Variants in TUBAL3 observed in about 807,000 individuals in gnomAD.
The protein encoded by TUBAL3 is tubulin alpha like 3.
TUBAL3 carries 16 observed loss-of-function variants against 15.5 expected under a neutral mutation model. The observed-to-expected ratio is 1.04, with a 90% CI of 0.70 to 1.57. The LOEUF (loss-of-function observed/expected upper bound fraction) is 1.57. Ranked by LOEUF, TUBAL3 falls within the 40% of genes most tolerant of loss-of-function variation. The pLI is 0.00. For missense variants in TUBAL3, 609 were observed against 576.2 expected, an observed-to-expected ratio of 1.06 and a Z score of -0.58; for synonymous variants, 238 against 224.3, an observed-to-expected ratio of 1.06 and a Z score of -0.55.
In TUBAL3 at chr10:5,394,249, C is replaced by A. The variant is rs2119138597; in HGVS notation, c.609G>T (p.Glu203Asp). The change falls in exon 4 of 4, where the codon GAG (glutamate) becomes GAT (aspartate). Residue 203 changes from glutamate (E) to aspartate (D), a missense_variant. Coordinates refer to ENST00000380419, the MANE Select transcript of TUBAL3 (RefSeq NM_024803.3). This position sits in a 1 kb window ranked among gnomAD's most constrained non-coding sequence, Gnocchi z 4.3. ...NSVLTTHSTT[E>D]HTDCTFMVDN... The stretch of plus-strand genomic sequence containing the variant: ...CCACCATGAAGGTACAGTCCGTGTG[C>A]TCTGTGGTGGAGTGGGTGGTGAGGA... The A allele has an allele frequency of 3.1e-6, 5 of 1,614,188 alleles. No homozygotes were observed. In the East Asian group the frequency reaches 8.9e-5, roughly 29 times the overall value.
At chr10:5,398,358 T>G (rs1831796456) in intron 2 of TUBAL3, among the ~76,000 whole-genome samples, 1 of 146,252 alleles carries the variant, frequency 6.8e-6, no homozygotes, top group African/African-American at 2.6e-5. Flanking sequence ...AGGCACAGGT[T>G]GCAGTGAGCA....
At position 5,393,344 on chromosome 10, in the gene TUBAL3, T is replaced by C. The variant is rs1554813663; in HGVS notation, c.*173A>G. 2 of 586,534 alleles carry C rather than the reference T, an allele frequency of 3.4e-6. No individual in the cohort carries two copies. The highest frequency in any genetic ancestry group is 3.7e-5 in the African/African-American group (2 of 53,900). 36.3% of individuals were successfully genotyped at this position (586,534 alleles called of 1,614,324 possible). On this transcript the variant is annotated 3_prime_UTR_variant, in exon 4 of 4. Transcript: ENST00000380419. ...TGACTTGTACCAGTAGACCAGGAAATAATGTGTTCATTGTTGGTACTGACC... is the reference window on the plus strand; with the variant it reads ...TGACTTGTACCAGTAGACCAGGAAACAATGTGTTCATTGTTGGTACTGACC...
At position 5,394,207 on chromosome 10, in the gene TUBAL3, A is replaced by G. The variant is rs782308313; in HGVS notation, c.651T>C (p.Tyr217=). The G allele has an allele frequency of 1.9e-6, 3 of 1,614,068 alleles. No individual in the cohort carries two copies. The African/African-American group carries it at 4.0e-5, about 22-fold the overall frequency. Residue 217 remains tyrosine (Y), a synonymous_variant, in exon 4 of 4, where the codon TAT becomes TAC. Transcript: ENST00000380419. The surrounding 1 kb of genome is among the most constrained non-coding windows in gnomAD (Gnocchi z 4.3). ...CTFMVDNEAV[Y]DICHRKLGVE... ...CACCGAGTTTACGATGGCATATATCATAGACGGCCTCGTTGTCCACCATGA... is the reference window on the plus strand; with the variant it reads ...CACCGAGTTTACGATGGCATATATCGTAGACGGCCTCGTTGTCCACCATGA...
In TUBAL3 at chr10:5,396,320, C is replaced by T. The variant is rs1361659062; in HGVS notation, c.248-845G>A. ...GTCAGGAGCTTGAGACCAGCCTGGCCAACATGGTGAAACCCTGTCTCTACT... is the reference window on the plus strand; with the variant it reads ...GTCAGGAGCTTGAGACCAGCCTGGCTAACATGGTGAAACCCTGTCTCTACT... On this transcript the variant is annotated intron_variant, in intron 2 of 3. Transcript: ENST00000380419. The surrounding 1 kb of genome is among the most constrained non-coding windows in gnomAD (Gnocchi z 5.1). Among the ~76,000 whole-genome samples, 1 of 151,952 alleles carries T rather than the reference C, an allele frequency of 6.6e-6. No homozygotes were observed. Among genetic ancestry groups the T allele is most frequent in the African/African-American group, 2.4e-5 (1 of 41,364 alleles).
At position 5,401,097 on chromosome 10, in the gene TUBAL3, G is replaced by C; in HGVS notation, c.4-10C>G. ...TGGAAAGGCACTCCCTCTAAAATAA[G>C]TCATGGTGAGTTGGAACTGAGCAGG... On this transcript the variant is annotated splice_polypyrimidine_tract_variant and intron_variant, in intron 1 of 3. Transcript: ENST00000380419. The C allele has an allele frequency of 6.2e-7, 1 of 1,613,670 alleles. No individual in the cohort carries two copies. The highest frequency in any genetic ancestry group is 8.5e-7 in the Non-Finnish European group (1 of 1,179,892).
At chr10:5,403,408 T>C (rs1399815267) in intron 1 of TUBAL3, among the ~76,000 whole-genome samples, 2 of 152,194 alleles carry the variant, frequency 1.3e-5, no homozygotes, top group African/African-American at 4.8e-5. Context: ...ACCTCTTACT[T>C]TGTAAAGTTT....
Position 5,393,872 on chromosome 10 carries a change from T to A in TUBAL3, c.986A>T (p.Asp329Val), listed in dbSNP as rs1831717232. The A allele has an allele frequency of 6.2e-7, 1 of 1,614,018 alleles. No homozygotes were observed. Among genetic ancestry groups the A allele is most frequent in the Non-Finnish European group, 8.5e-7 (1 of 1,180,042 alleles). The change falls in exon 4 of 4, where the codon GAT (aspartate) becomes GTT (valine). Residue 329 changes from aspartate to valine, a missense_variant. Physicochemically the swap from Asp to Val is radical, Grantham distance 152 (BLOSUM62 -3). Transcript: ENST00000380419. ...TGCATTCACTTCCTTGGGGACCACATCCCCTCTATAGAGTAGGCAGCAGGC... is the reference window on the plus strand; with the variant it reads ...TGCATTCACTTCCTTGGGGACCACAACCCCTCTATAGAGTAGGCAGCAGGC... Reference protein sequence around the residue: ...YMACCLLYRGDVVPKEVNAAI... With the variant: ...YMACCLLYRGVVVPKEVNAAI...
intron 2 of TUBAL3, 122 bp downstream of exon 2, chr10:5,400,722 A>G (rs1831836983): frequency 1.5e-5 from 19 of 1,240,140 alleles, no homozygotes; most frequent in Non-Finnish European, 2.1e-5. Context: ...GTAAGCCTCT[A>G]CATTTGGGAA....
At chr10:5,400,791 T>A (rs1301314483) in intron 2 of TUBAL3, 53 bp downstream of exon 2, 1 of 1,607,902 alleles carries the variant, frequency 6.2e-7, no homozygotes, top group East Asian at 2.2e-5. Context: ...ATCCACTTGA[T>A]TTGTTTGAGT....
Position 5,393,746 on chromosome 10 carries a change from G to C in TUBAL3, c.1112C>G (p.Pro371Arg). ...GINNRPPTVMPGGDLAKVHRS... is the reference protein window; with the variant it reads ...GINNRPPTVMRGGDLAKVHRS... ...GTGGACTTTGGCCAGGTCCCCACCC[G>C]GCATCACCGTGGGCGGCCGATTGTT... Residue 371 changes from proline (P) to arginine (R), a missense_variant, in exon 4 of 4, where the codon CCG (proline) becomes CGG (arginine). Pro to Arg is a moderately radical substitution (Grantham distance 103, BLOSUM62 -2). Transcript: ENST00000380419. 1 of 1,614,184 alleles carries C rather than the reference G, an allele frequency of 6.2e-7. No individual in the cohort carries two copies. The highest frequency in any genetic ancestry group is 1.1e-5 in the South Asian group (1 of 91,076).
At chr10:5,402,303 A>T (rs1554814708) in intron 1 of TUBAL3, among the ~76,000 whole-genome samples, 2 of 152,240 alleles carry the variant, frequency 1.3e-5, no homozygotes, top group African/African-American at 4.8e-5. Context: ...AAAAATGAGA[A>T]GGAAAGTAAA....
rs1554814284 is a variant in TUBAL3 at position 5,397,691 on chromosome 10, C to T, written c.248-2216G>A. Among the ~76,000 whole-genome samples, 1 of 152,178 alleles carries T rather than the reference C, an allele frequency of 6.6e-6. No individual in the cohort carries two copies. On this transcript the variant is annotated intron_variant, in intron 2 of 3. Transcript: ENST00000380419. This position sits in a 1 kb window ranked among gnomAD's most constrained non-coding sequence, Gnocchi z 4.9. ...CTCAGAGACATCAATGGCTTTTGAA[C>T]AATTACATGATGGCTCCTTAGCTTC...
intron 1 of TUBAL3, 152 bp downstream of exon 1, chr10:5,404,638 C>T (rs1326913798): frequency 1.2e-5 from 9 of 760,378 alleles, no homozygotes; most frequent in Non-Finnish European, 1.7e-5. Flanking sequence ...CTGCTCCCAA[C>T]TCATCTACTT....
At chr10:5,403,333 T>C (rs1831883776) in intron 1 of TUBAL3, among the ~76,000 whole-genome samples, 1 of 152,194 alleles carries the variant, frequency 6.6e-6, no homozygotes, top group African/African-American at 2.4e-5. Flanking sequence ...AAAACTTGGC[T>C]CCTTAAATTT....
rs541805239 is a variant in TUBAL3, at chr10:5,395,406, G to C, written c.317C>G (p.Ala106Gly). 9 of 1,606,314 alleles carry C rather than the reference G, an allele frequency of 5.6e-6. No individual in the cohort carries two copies. In the South Asian group the frequency reaches 1.0e-4, roughly 18 times the overall value. Reference protein sequence around the residue: ...PEQLLSGKEDAANNYARGRYS... With the variant: ...PEQLLSGKEDGANNYARGRYS... ...ACGGCCTCGCGCGTAATTGTTAGCAGCATCCTCCTTTCCGCTAAGGAGCTG... is the reference window on the plus strand; with the variant it reads ...ACGGCCTCGCGCGTAATTGTTAGCACCATCCTCCTTTCCGCTAAGGAGCTG... The change falls in exon 3 of 4, where the codon GCT becomes GGT. Residue 106 changes from alanine to glycine, a missense_variant. Transcript: ENST00000380419. The surrounding 1 kb of genome is among the most constrained non-coding windows in gnomAD (Gnocchi z 4.6).
In TUBAL3 at chr10:5,396,424, A is replaced by G. The variant is rs1041465705; in HGVS notation, c.248-949T>C. ...CTCGGGAGACTGAGGCAGGAGAATC[A>G]CTTCAACCCAGGAGGTTGCAGTGAG... is the stretch of plus-strand genomic sequence containing the variant. On this transcript the variant is annotated intron_variant, in intron 2 of 3. Transcript: ENST00000380419. This position sits in a 1 kb window ranked among gnomAD's most constrained non-coding sequence, Gnocchi z 5.1. Among the ~76,000 whole-genome samples, 7 of 152,086 alleles carry G rather than the reference A, an allele frequency of 4.6e-5. No homozygotes were observed. The highest frequency in any genetic ancestry group is 7.4e-5 in the Non-Finnish European group (5 of 68,002).
intron 2 of TUBAL3, among the ~76,000 whole-genome samples, chr10:5,400,010 C>T (rs10795273): frequency 0.67 from 101,287 of 152,138 alleles, 33,925 homozygotes; most frequent in East Asian, 0.74. Context: ...TCTAGCTTTT[C>T]TCTTAAGTCA....
rs150997870 is a variant in TUBAL3, at chr10:5,395,392, C to T, written c.331G>A (p.Ala111Thr). The change falls in exon 3 of 4, where the codon GCG (alanine) becomes ACG (threonine). Residue 111 changes from alanine to threonine, a missense_variant. Ala to Thr is a moderately conservative substitution (Grantham distance 58). Coordinates refer to ENST00000380419, the MANE Select transcript of TUBAL3 (RefSeq NM_024803.3). This position sits in a 1 kb window ranked among gnomAD's most constrained non-coding sequence, Gnocchi z 4.6. ...SGKEDAANNY[A>T]RGRYSVGSEV... The stretch of plus-strand genomic sequence containing the variant: ...GACCCCACAGAGTAACGGCCTCGCG[C>T]GTAATTGTTAGCAGCATCCTCCTTT... 1.2e-4 allele frequency: 185 copies of T among 1,606,744 alleles called. No homozygotes were observed. The highest frequency in any genetic ancestry group is 5.0e-4 in the Middle Eastern group (3 of 6,050).
rs1343585480 is a variant in TUBAL3 at position 5,393,172 on chromosome 10, T to C, written c.*345A>G. On this transcript the variant is annotated 3_prime_UTR_variant, in exon 4 of 4. Transcript: ENST00000380419. ...GGGGAAAAAACATTCGTAATCAACA[T>C]GTGCTGTTTTCTACTTCCGGTACCA... 9.4e-6 allele frequency: 2 copies of C among 211,744 alleles called. No homozygotes were observed. The highest frequency in any genetic ancestry group is 4.6e-5 in the African/African-American group (2 of 43,746). 13.1% of individuals were successfully genotyped at this position (211,744 alleles called of 1,614,324 possible).
Sources: gnomAD v4.1 joint callset for allele counts (sites outside exome capture counted in the v4.1 genomes callset) on GRCh38, gnomAD v4.1.1 for gene constraint, Gnocchi (gnomAD v3.1) non-coding constraint, MANE v1.5 for transcripts, NCBI Gene and HGNC (gene_info 2026-07-23, HGNC 2026-07-21) for gene names.